The following C12orf42 variants were observed in gnomAD, a reference collection of about 807,000 sequenced individuals.
C12orf42 encodes the protein uncharacterized protein C12orf42.
Under a neutral mutation model 21.6 loss-of-function variants are expected in C12orf42, and 25 were observed. The ratio of observed to expected loss-of-function variants is 1.16; its 90% CI spans 0.84 to 1.62. The LOEUF (loss-of-function observed/expected upper bound fraction) is 1.62. Ranked by LOEUF, C12orf42 falls within the 40% of genes most tolerant of loss-of-function variation. C12orf42 has a pLI of 0.00. For synonymous variants in C12orf42, 174 were observed against 175.0 expected, an observed-to-expected ratio of 0.99 and a Z score of 0.05; for missense variants, 483 against 459.3, an observed-to-expected ratio of 1.05 and a Z score of -0.47.
intron 2 of C12orf42, among the ~76,000 whole-genome samples, chr12:103,449,059 C>A (rs1298926085): frequency 6.6e-6 from 1 of 151,186 alleles, no homozygotes; most frequent in Non-Finnish European, 1.5e-5. Context: ...GCCCATCAAT[C>A]AATGAGTGGA....
the C12orf42 span, among the ~76,000 whole-genome samples, chr12:103,521,719 C>T: frequency 1.3e-5 from 2 of 152,138 alleles, no homozygotes; most frequent in Non-Finnish European, 2.9e-5. Flanking sequence ...AGAAACTACC[C>T]ACTAACCTCT....
chr12:103,070,312 C>A, the C12orf42 span, among the ~76,000 whole-genome samples: 1 of 152,114 alleles, frequency 6.6e-6, no homozygotes, highest in East Asian at 1.9e-4. Context: ...GGTAAAAGCT[C>A]TATTTGGGTT....
chr12:103,491,130 G>A (rs142638871), intron 1 of C12orf42, among the ~76,000 whole-genome samples: 65 of 152,200 alleles, frequency 4.3e-4, no homozygotes, highest in African/African-American at 1.3e-3. Flanking sequence ...GAACTGACTC[G>A]TAAAACTATC....
intron 4 of C12orf42, among the ~76,000 whole-genome samples, chr12:103,286,716 T>A (rs1159292351): frequency 2.6e-5 from 4 of 152,008 alleles, no homozygotes; most frequent in Non-Finnish European, 5.9e-5. Context: ...AGTTTTGACA[T>A]AAAGATAAAA....
the C12orf42 span, among the ~76,000 whole-genome samples, chr12:103,176,252 A>G: frequency 6.6e-6 from 1 of 152,100 alleles, no homozygotes; most frequent in Non-Finnish European, 1.5e-5. Flanking sequence ...TCAAACATAC[A>G]TCGTATAAAA....
At chr12:103,425,653 A>C (rs1215467461) in intron 2 of C12orf42, among the ~76,000 whole-genome samples, 2 of 152,148 alleles carry the variant, frequency 1.3e-5, no homozygotes, top group Non-Finnish European at 2.9e-5. Context: ...ATCAACAAAA[A>C]AGGATGTCCA....
intron 5 of C12orf42, among the ~76,000 whole-genome samples, chr12:103,303,443 A>G (rs1322678485): frequency 6.6e-6 from 1 of 152,198 alleles, no homozygotes; most frequent in Non-Finnish European, 1.5e-5. Context: ...GTGACTTAAG[A>G]TAATTTATGT....
At chr12:103,411,846 C>T (rs547543838) in intron 2 of C12orf42, among the ~76,000 whole-genome samples, 1 of 152,252 alleles carries the variant, frequency 6.6e-6, no homozygotes, top group South Asian at 2.1e-4. Flanking sequence ...TACATGTGTG[C>T]ACATGCATGC....
At chr12:103,207,174 T>C in the C12orf42 span, among the ~76,000 whole-genome samples, 1 of 152,214 alleles carries the variant, frequency 6.6e-6, no homozygotes, top group Non-Finnish European at 1.5e-5. Flanking sequence ...TCCCTCCACC[T>C]GAGTGCAGGC....
the C12orf42 span, among the ~76,000 whole-genome samples, chr12:103,201,565 C>T: frequency 2.6e-5 from 4 of 152,144 alleles, no homozygotes; most frequent in Admixed American, 6.5e-5. Context: ...TTCACCCTTC[C>T]AATTTGCTTC....
the C12orf42 span, among the ~76,000 whole-genome samples, chr12:103,177,894 T>C: frequency 6.6e-6 from 1 of 151,998 alleles, no homozygotes. Context: ...CTAACAGCAG[T>C]GCATCTCTTA....
chr12:103,068,934 C>CATAT, the C12orf42 span, among the ~76,000 whole-genome samples: 84 of 48,094 alleles, frequency 1.7e-3, 1 homozygote, highest in Non-Finnish European at 2.2e-3. Context: ...TCTCTCTCCA[C>CATAT]ATATATATAT....
chr12:103,355,293 C>T (rs963126223), intron 4 of C12orf42, among the ~76,000 whole-genome samples: 2 of 152,020 alleles, frequency 1.3e-5, no homozygotes, highest in African/African-American at 4.8e-5. Flanking sequence ...CTCTGAAGAG[C>T]GTGATTTGTG....
At chr12:103,459,303 T>A (rs938683495) in intron 2 of C12orf42, among the ~76,000 whole-genome samples, 19 of 152,322 alleles carry the variant, frequency 1.2e-4, no homozygotes, top group African/African-American at 4.3e-4. Flanking sequence ...ATTTGTCCCC[T>A]CCAAATCTCA....
intron 5 of C12orf42, among the ~76,000 whole-genome samples, chr12:103,274,381 T>TTTA (rs1166911229): frequency 2.0e-4 from 31 of 152,296 alleles, no homozygotes; most frequent in Middle Eastern, 6.8e-3. Context: ...AAACCCTACC[T>TTTA]CCCTGGGTTG....
intron 4 of C12orf42, among the ~76,000 whole-genome samples, chr12:103,365,842 G>A (rs1011544447): frequency 2.0e-5 from 3 of 152,006 alleles, no homozygotes; most frequent in African/African-American, 7.2e-5. Context: ...TAAACAAATG[G>A]AAACACATCC....
chr12:103,366,221 C>T (rs1160413032), intron 4 of C12orf42, among the ~76,000 whole-genome samples: 6 of 151,930 alleles, frequency 3.9e-5, no homozygotes, highest in Admixed American at 6.6e-5. Context: ...GGAAAGGACA[C>T]CCTATTCAAC....
rs151122964 is a variant in C12orf42, at chr12:103,271,419, A to G, written n.399-1566T>C. 2.6e-5 allele frequency among the ~76,000 whole-genome samples: 4 copies of G among 152,326 alleles called. No homozygotes were observed. The East Asian group carries it at 7.7e-4, about 29-fold the overall frequency. On this transcript the variant is annotated intron_variant and non_coding_transcript_variant, in intron 5 of 6. Coordinates refer to the C12orf42 transcript ENST00000546526. The stretch of plus-strand genomic sequence containing the variant: ...AAGCCCTGAACAGTGGCTTTCATAC[A>G]GGGTGAGAGGCAAGAAAGTGCAATG...
chr12:103,435,674 A>G (rs1312767908), intron 2 of C12orf42, among the ~76,000 whole-genome samples: 1 of 151,756 alleles, frequency 6.6e-6, no homozygotes, highest in Non-Finnish European at 1.5e-5. Flanking sequence ...AAATGAATGA[A>G]ATGAAGCGAG....
Sources: allele counts gnomAD v4.1 joint callset (sites outside exome capture counted in the v4.1 genomes callset), GRCh38; gene constraint gnomAD v4.1.1; transcripts MANE v1.5; gene names NCBI Gene and HGNC (gene_info 2026-07-23, HGNC 2026-07-21).